Variants in RBM47 observed in about 807,000 individuals in gnomAD.
RBM47 encodes the protein RNA binding motif protein 47.
Under a neutral mutation model 47.1 loss-of-function variants are expected in RBM47, and 21 were observed. That is an observed-to-expected ratio of 0.45 (90% CI 0.32 to 0.64). The LOEUF (loss-of-function observed/expected upper bound fraction) is 0.64. RBM47 is among the 30% of genes least tolerant of loss of function. The probability of loss-of-function intolerance (pLI) is 0.05; values close to 1 mark genes in which losing one functional copy is unlikely to be tolerated. For missense variants in RBM47, 708 were observed against 870.9 expected, an observed-to-expected ratio of 0.81 and a Z score of 2.35; for synonymous variants, 375 against 361.7, an observed-to-expected ratio of 1.04 and a Z score of -0.42.
chr4:40,436,272 A>G (rs572265613), intron 5 of RBM47, among the ~76,000 whole-genome samples, 169 bp downstream of exon 5: 28 of 151,966 alleles, frequency 1.8e-4, no homozygotes, highest in African/African-American at 6.0e-4. Context: ...CTGAAGTTCT[A>G]GATAAGGAGG....
chr4:40,581,021 A>G (rs1292824950), intron 1 of RBM47, among the ~76,000 whole-genome samples: 1 of 152,208 alleles, frequency 6.6e-6, no homozygotes, highest in Non-Finnish European at 1.5e-5. Flanking sequence ...CTGTGGCTGG[A>G]ATCTGGTAAT....
intron 2 of RBM47, among the ~76,000 whole-genome samples, chr4:40,523,330 T>C (rs1038553928): frequency 4.0e-5 from 6 of 151,390 alleles, no homozygotes; most frequent in African/African-American, 1.5e-4. Context: ...ATCCCAGCCC[T>C]CCTGGCTTGG....
chr4:40,475,722 C>T (rs1027864966), intron 2 of RBM47: 20 of 152,188 alleles, frequency 1.3e-4, no homozygotes, highest in African/African-American at 4.8e-4. Context: ...GTGCGACAGG[C>T]TAACTGTAAT....
intron 3 of RBM47, among the ~76,000 whole-genome samples, chr4:40,461,737 A>G (rs1057187236): frequency 6.6e-6 from 1 of 152,156 alleles, no homozygotes; most frequent in African/African-American, 2.4e-5. Context: ...AAGACCAGCT[A>G]TGGCTAACAT....
chr4:40,556,296 A>G (rs977640875), intron 1 of RBM47, among the ~76,000 whole-genome samples: 9 of 151,962 alleles, frequency 5.9e-5, no homozygotes, highest in African/African-American at 1.9e-4. Flanking sequence ...TCAGCCTCCC[A>G]AAGTGCTGGG....
chr4:40,516,422 G>T lies in RBM47; in HGVS notation c.-155+28000C>A, dbSNP rs542593320. Reference sequence around the variant, plus strand: ...TTACAGGCACCTGACACCATGCCTGGCTAATTTTTGTATTTTTAGTAGAGA... The same window carrying T: ...TTACAGGCACCTGACACCATGCCTGTCTAATTTTTGTATTTTTAGTAGAGA... On this transcript the variant is annotated intron_variant, in intron 2 of 6. Coordinates refer to ENST00000295971, the MANE Select transcript of RBM47 (RefSeq NM_001098634.2). Among the ~76,000 whole-genome samples the T allele has an allele frequency of 3.6e-4, 54 of 152,024 alleles. No individual in the cohort carries two copies. In the East Asian group the frequency reaches 0.01, roughly 29 times the overall value.
At chr4:40,445,483 T>A (rs1478667061) in intron 3 of RBM47, among the ~76,000 whole-genome samples, 1 of 152,200 alleles carries the variant, frequency 6.6e-6, no homozygotes, top group African/African-American at 2.4e-5. Flanking sequence ...ATTCATTCAT[T>A]CATTCATTCA....
chr4:40,571,143 G>C (rs896563698), intron 1 of RBM47, among the ~76,000 whole-genome samples: 1 of 151,990 alleles, frequency 6.6e-6, no homozygotes, highest in Non-Finnish European at 1.5e-5. Flanking sequence ...TTGAACCTGG[G>C]AGGCAGAGGT....
At chr4:40,574,915 A>T (rs1732145365) in intron 1 of RBM47, among the ~76,000 whole-genome samples, 1 of 152,090 alleles carries the variant, frequency 6.6e-6, no homozygotes, top group Non-Finnish European at 1.5e-5. Flanking sequence ...TGAAGAGAAC[A>T]TCAGATAGGT....
intron 1 of RBM47, among the ~76,000 whole-genome samples, chr4:40,564,943 C>T (rs1351941184): frequency 1.3e-5 from 2 of 152,176 alleles, no homozygotes; most frequent in African/African-American, 4.8e-5. Context: ...AGCAAGGGCC[C>T]CAGAGGCTGA....
chr4:40,466,165 G>C (rs1404256070), intron 3 of RBM47, among the ~76,000 whole-genome samples: 1 of 147,210 alleles, frequency 6.8e-6, no homozygotes, highest in Non-Finnish European at 1.5e-5. Context: ...CTACTCGGGA[G>C]GCTGAGTCAC....
intron 3 of RBM47, among the ~76,000 whole-genome samples, chr4:40,448,558 A>G (rs1344225782): frequency 6.6e-6 from 1 of 152,218 alleles, no homozygotes; most frequent in African/African-American, 2.4e-5. Context: ...CGTCTTAAGC[A>G]TGACCTAACA....
At chr4:40,470,665 G>A (rs748410859) in intron 2 of RBM47, among the ~76,000 whole-genome samples, 28 of 152,124 alleles carry the variant, frequency 1.8e-4, no homozygotes, top group Admixed American at 3.3e-4. Context: ...CAGTCATAAA[G>A]CTAAGCTAAA....
intron 6 of RBM47, among the ~76,000 whole-genome samples, chr4:40,429,079 C>T (rs1055017058): frequency 2.6e-5 from 4 of 152,102 alleles, no homozygotes; most frequent in African/African-American, 4.8e-5. Flanking sequence ...CCATCCTGCC[C>T]GGGACACCAA....
chr4:40,494,635 T>C (rs1722332831), intron 2 of RBM47, among the ~76,000 whole-genome samples: 1 of 152,070 alleles, frequency 6.6e-6, no homozygotes, highest in Admixed American at 6.5e-5. Context: ...CTCTCAGGTG[T>C]AGCCCATATG....
intron 2 of RBM47, among the ~76,000 whole-genome samples, chr4:40,499,008 GCACTC>G (rs1723013629): frequency 6.6e-6 from 1 of 152,086 alleles, no homozygotes; most frequent in Non-Finnish European, 1.5e-5. Context: ...TTACACCATT[GCACTC>G]CAGCCTGGGC....
chr4:40,560,555 G>A (rs1730510476), intron 1 of RBM47, among the ~76,000 whole-genome samples: 2 of 152,216 alleles, frequency 1.3e-5, no homozygotes, highest in Non-Finnish European at 2.9e-5. Context: ...CAGTCCAGGG[G>A]AAGCCAGGAG....
chr4:40,568,428 C>CAAA (rs35434439), intron 1 of RBM47, among the ~76,000 whole-genome samples: 7 of 57,572 alleles, frequency 1.2e-4, no homozygotes, highest in Non-Finnish European at 2.3e-4. Context: ...AACCCTGTCT[C>CAAA]AAAAAAAAAA....
intron 2 of RBM47, among the ~76,000 whole-genome samples, chr4:40,535,390 T>TTTTTTTA (rs1491517076): frequency 9.3e-6 from 1 of 107,220 alleles, no homozygotes; most frequent in African/African-American, 4.0e-5. Context: ...TTTTTTTTTT[T>TTTTTTTA]GAGACGGAGC....
Sources: allele counts gnomAD v4.1 joint callset (sites outside exome capture counted in the v4.1 genomes callset), GRCh38; gene constraint gnomAD v4.1.1; transcripts MANE v1.5; gene names NCBI Gene and HGNC (gene_info 2026-07-23, HGNC 2026-07-21).